The following SLIT1 variants were observed in gnomAD, a reference collection of about 807,000 sequenced individuals.
The protein encoded by SLIT1 is slit homolog 1 protein.
Under a neutral mutation model 186.1 loss-of-function variants are expected in SLIT1, and 66 were observed. The ratio of observed to expected loss-of-function variants is 0.35; its 90% CI spans 0.29 to 0.44. The LOEUF (loss-of-function observed/expected upper bound fraction) is 0.44, where lower values mean the gene tolerates loss of function less well. Among genes scored for constraint, SLIT1 ranks in the 20% least tolerant of loss-of-function variants. The probability of loss-of-function intolerance (pLI) is 1.00; values close to 1 mark genes in which losing one functional copy is unlikely to be tolerated. For missense variants in SLIT1, 1,638 were observed against 2,037.4 expected (o/e 0.80, Z 3.77); for synonymous variants, 761 against 833.8 (o/e 0.91, Z 1.50).
chr10:97,027,882 G>A (rs1413663079), intron 25 of SLIT1, among the ~76,000 whole-genome samples: 1 of 152,180 alleles, frequency 6.6e-6, no homozygotes, highest in African/African-American at 2.4e-5. Context: ...CATCTGCACA[G>A]TTGAACCCCG....
At chr10:97,003,659 C>T (rs192070415) in intron 34 of SLIT1, among the ~76,000 whole-genome samples, 126 of 152,276 alleles carry the variant, frequency 8.3e-4, no homozygotes, top group Non-Finnish European at 1.5e-3. Context: ...TAAGGCCAGC[C>T]GAGGCAGTCC....
chr10:97,149,134 C>G (rs1249399704), intron 4 of SLIT1, among the ~76,000 whole-genome samples: 1 of 152,226 alleles, frequency 6.6e-6, no homozygotes, highest in African/African-American at 2.4e-5. Flanking sequence ...AGGGGCAGAG[C>G]TGGATTCAAA....
chr10:97,149,752 G>A (rs1849855886), intron 4 of SLIT1, among the ~76,000 whole-genome samples: 1 of 152,094 alleles, frequency 6.6e-6, no homozygotes, highest in South Asian at 2.1e-4. Context: ...GCCTGGGTTC[G>A]AATCTCAGCT....
chr10:97,066,426 T>C (rs1004140596), intron 4 of SLIT1, among the ~76,000 whole-genome samples: 1 of 152,120 alleles, frequency 6.6e-6, no homozygotes, highest in Non-Finnish European at 1.5e-5. Context: ...GTTTGGATAT[T>C]TGGCCCCGCC....
At chr10:97,071,213 G>A (rs1187404136) in intron 4 of SLIT1, among the ~76,000 whole-genome samples, 1 of 152,226 alleles carries the variant, frequency 6.6e-6, no homozygotes, top group East Asian at 1.9e-4. Flanking sequence ...GGTCTGGGGA[G>A]AAGACAGACA....
At chr10:97,054,060 G>C (rs1454913870) in intron 13 of SLIT1, among the ~76,000 whole-genome samples, 1 of 151,980 alleles carries the variant, frequency 6.6e-6, no homozygotes, top group Non-Finnish European at 1.5e-5. Flanking sequence ...TGAGAGTTCT[G>C]TGGGCTGGAC....
At position 97,026,681 on chromosome 10, in the gene SLIT1, C is replaced by T. The variant is rs189544934; in HGVS notation, c.2582+4076G>A. Reference sequence around the variant, plus strand: ...GCCAGAGTATAGCAATGAAGACAGACATTGGGGAACCCTAGCCTGGGACCT... The same window carrying T: ...GCCAGAGTATAGCAATGAAGACAGATATTGGGGAACCCTAGCCTGGGACCT... On this transcript the variant is annotated intron_variant, in intron 25 of 36. Transcript: ENST00000266058. Among the ~76,000 whole-genome samples the T allele has an allele frequency of 3.3e-5, 5 of 152,240 alleles. No individual in the cohort carries two copies. The East Asian group carries it at 7.7e-4, about 24-fold the overall frequency.
chr10:97,008,040 G>A (rs997788304), intron 31 of SLIT1, among the ~76,000 whole-genome samples: 1 of 151,850 alleles, frequency 6.6e-6, no homozygotes, highest in African/African-American at 2.4e-5. Context: ...AAAGCAGGCA[G>A]GCAGGCAGGA....
chr10:97,100,632 CA>C (rs10666094), intron 4 of SLIT1, among the ~76,000 whole-genome samples: 35 of 142,176 alleles, frequency 2.5e-4, no homozygotes, highest in African/African-American at 4.1e-4. Context: ...GACTCTGTCT[CA>C]AAAAAAAAAA....
rs1848434347 is a variant in SLIT1 at position 97,014,155 on chromosome 10, G to A, written c.2973C>T (p.Cys991=). 6.2e-7 allele frequency: 1 copy of A among 1,613,530 alleles called. No homozygotes were observed. Among genetic ancestry groups the A allele is most frequent in the Non-Finnish European group, 8.5e-7 (1 of 1,180,026 alleles). Residue 991 remains cysteine (C), a synonymous_variant, in exon 29 of 37, where the codon TGC becomes TGT. Transcript: ENST00000266058. ...GTCCTTCAAAGCCGGTGGGACAGGA[G>A]CACCTGTGCGGGGAAGGGGAGGATG... ...AQEGEDAPFT[C]SCPTGFEGPT...
At chr10:97,029,621 T>C (rs1327273292) in intron 25 of SLIT1, among the ~76,000 whole-genome samples, 1 of 152,284 alleles carries the variant, frequency 6.6e-6, no homozygotes, top group Non-Finnish European at 1.5e-5. Flanking sequence ...GTTTTTTATA[T>C]GGCAAAATAT....
intron 4 of SLIT1, among the ~76,000 whole-genome samples, chr10:97,127,491 A>G (rs1300409208): frequency 1.3e-5 from 2 of 152,160 alleles, no homozygotes; most frequent in Admixed American, 1.3e-4. Context: ...TTAGGAAATG[A>G]ACTCAGGATC....
At chr10:97,019,699 C>T (rs1281863283) in intron 26 of SLIT1, among the ~76,000 whole-genome samples, 1 of 152,132 alleles carries the variant, frequency 6.6e-6, no homozygotes, top group Non-Finnish European at 1.5e-5. Flanking sequence ...CCAGCATCTC[C>T]AGGATGCACT....
chr10:97,071,894 C>G (rs1032250155), intron 4 of SLIT1, among the ~76,000 whole-genome samples: 1 of 152,166 alleles, frequency 6.6e-6, no homozygotes, highest in Non-Finnish European at 1.5e-5. Flanking sequence ...GTGTCTGTTT[C>G]TTATAATAGC....
At position 97,013,730 on chromosome 10, in the gene SLIT1, G is replaced by T; in HGVS notation, c.3203+11C>A. The stretch of plus-strand genomic sequence containing the variant: ...AGCTCCTCCCTGGCCCTGGAAAGGG[G>T]CAACACTCACCTGGGCCCATCCGGG... On this transcript the variant is annotated intron_variant, in intron 30 of 36. Transcript: ENST00000266058. 6.5e-7 allele frequency: 1 copy of T among 1,547,410 alleles called. No individual in the cohort carries two copies.
intron 4 of SLIT1, among the ~76,000 whole-genome samples, chr10:97,101,729 G>T (rs947214509): frequency 6.6e-6 from 1 of 152,232 alleles, no homozygotes; most frequent in East Asian, 1.9e-4. Flanking sequence ...AGCAACCAAA[G>T]CATGGCCCCT....
chr10:97,138,970 A>C (rs1382202922), intron 4 of SLIT1, among the ~76,000 whole-genome samples: 1 of 152,126 alleles, frequency 6.6e-6, no homozygotes, highest in Non-Finnish European at 1.5e-5. Context: ...ACCAGTCAAC[A>C]CTCTGCCTAA....
rs138032026 is a variant in SLIT1, at chr10:97,162,217, T to C, written c.341+1163A>G. On this transcript the variant is annotated intron_variant, in intron 3 of 36. Coordinates refer to ENST00000266058, the MANE Select transcript of SLIT1 (RefSeq NM_003061.3). ...TTTATCTTTTCCATTTAACATTATA[T>C]TGCGAGCACATTCCCATGTGTTCTT... is the stretch of plus-strand genomic sequence containing the variant. Among the ~76,000 whole-genome samples the C allele has an allele frequency of 8.3e-3, 1,260 of 152,360 alleles. 19 individuals carry two copies. Among genetic ancestry groups the C allele is most frequent in the African/African-American group, 0.029 (1,206 of 41,584 alleles).
rs532940437 is a variant in SLIT1, at chr10:97,079,823, CTG to C, written c.414-13739_414-13738del. On this transcript the variant is annotated intron_variant, in intron 4 of 36. Transcript: ENST00000266058. ...TAGTACAGCAATACCGGTTCAGGTT[CTG>C]TGTCTTCCTGGAGAACAGGCACAGC... 1.3e-3 allele frequency among the ~76,000 whole-genome samples: 196 copies of C among 152,324 alleles called. 1 individual carries two copies. Among genetic ancestry groups the C allele is most frequent in the African/African-American group, 4.5e-3 (188 of 41,582 alleles).
Sources: allele counts gnomAD v4.1 joint callset (sites outside exome capture counted in the v4.1 genomes callset), GRCh38; gene constraint gnomAD v4.1.1; transcripts MANE v1.5; gene names NCBI Gene and HGNC (gene_info 2026-07-23, HGNC 2026-07-21).